EYS: variants seen among roughly 807,000 people sequenced by gnomAD.
EYS encodes protein eyes shut homolog.
In EYS, 250 loss-of-function variants were observed where a neutral mutation model predicts 282.1. The ratio of observed to expected loss-of-function variants is 0.89; its 90% CI spans 0.80 to 0.98. The LOEUF (loss-of-function observed/expected upper bound fraction) is 0.98, where lower values mean the gene tolerates loss of function less well. EYS is among the 50% of genes least tolerant of loss of function. The pLI is 0.00. For synonymous variants in EYS, 1,355 were observed against 1,282.9 expected, an observed-to-expected ratio of 1.06 and a Z score of -1.20; for missense variants, 4,016 against 3,709.0, an observed-to-expected ratio of 1.08 and a Z score of -2.15.
At chr6:63,839,078 TCTC>T (rs369381256) in intron 36 of EYS, among the ~76,000 whole-genome samples, 56 of 152,262 alleles carry the variant, frequency 3.7e-4, no homozygotes, top group Middle Eastern at 6.8e-3. Context: ...AGAGTCAAAA[TCTC>T]CTCTAGCTTT....
chr6:65,253,640 A>T (rs1052284866), intron 12 of EYS, among the ~76,000 whole-genome samples: 1 of 152,028 alleles, frequency 6.6e-6, no homozygotes, highest in South Asian at 2.1e-4. Flanking sequence ...TTTTAATGAA[A>T]TTACTCTAAA....
chr6:65,644,048 T>C (rs1457086013), intron 1 of EYS, among the ~76,000 whole-genome samples: 2 of 151,976 alleles, frequency 1.3e-5, no homozygotes, highest in Non-Finnish European at 2.9e-5. Flanking sequence ...ACCAGCTCAC[T>C]AGCAATGGAT....
At position 65,494,749 on chromosome 6, in the gene EYS, G is replaced by C. The variant is rs779384630; in HGVS notation, c.662C>G (p.Pro221Arg). 3 of 1,613,482 alleles carry C rather than the reference G, an allele frequency of 1.9e-6. No individual in the cohort carries two copies. Among genetic ancestry groups the C allele is most frequent in the Non-Finnish European group, 2.5e-6 (3 of 1,179,790 alleles). ...CQELDACSFK[P>R]CKNNGSCINK... ...AATGCAACTGCCATTATTTTTACAT[G>C]GTTTAAAAGAACATGCATCAAGTTC... Residue 221 changes from proline to arginine, a missense_variant, in exon 4 of 43, where the codon CCA (proline) becomes CGA (arginine). By Grantham distance (103) the Pro-to-Arg change is moderately radical. Transcript: ENST00000503581.
intron 33 of EYS, among the ~76,000 whole-genome samples, chr6:64,023,863 G>A (rs945296152): frequency 3.3e-5 from 5 of 152,198 alleles, no homozygotes; most frequent in East Asian, 1.9e-4. Context: ...AGTGGGCCCC[G>A]CACTCGTAGT....
chr6:64,710,929 A>G (rs1583068208), intron 22 of EYS, among the ~76,000 whole-genome samples: 1 of 152,222 alleles, frequency 6.6e-6, no homozygotes, highest in South Asian at 2.1e-4. Context: ...GATATATGAT[A>G]TAGGTGCTGC....
chr6:64,701,048 GA>G (rs112750523), intron 22 of EYS, among the ~76,000 whole-genome samples: 4,338 of 151,972 alleles, frequency 0.029, 129 homozygotes, highest in East Asian at 0.14. Flanking sequence ...ACAGAATAAA[GA>G]ACCCAGAAAT....
At chr6:64,757,149 G>A (rs1029636090) in intron 22 of EYS, among the ~76,000 whole-genome samples, 3 of 151,950 alleles carry the variant, frequency 2.0e-5, no homozygotes, top group Non-Finnish European at 2.9e-5. Context: ...TTCAACATTC[G>A]GTTTTCTAAG....
intron 23 of EYS, among the ~76,000 whole-genome samples, chr6:64,622,209 T>C (rs1165413946): frequency 6.6e-6 from 1 of 152,144 alleles, no homozygotes; most frequent in Non-Finnish European, 1.5e-5. Flanking sequence ...TTATACCTTG[T>C]TGGCTTGGAG....
intron 30 of EYS, among the ~76,000 whole-genome samples, chr6:64,305,249 G>A (rs373121309): frequency 6.6e-6 from 1 of 152,052 alleles, no homozygotes; most frequent in African/African-American, 2.4e-5. Context: ...ACTAAACATT[G>A]CTGAAAGAAA....
intron 36 of EYS, among the ~76,000 whole-genome samples, chr6:63,862,194 T>C (rs1772552345): frequency 1.3e-5 from 2 of 152,208 alleles, no homozygotes; most frequent in Admixed American, 1.3e-4. Context: ...TCACTACTTG[T>C]TTATTTCCTT....
chr6:65,015,369 C>T (rs962810132), intron 13 of EYS, among the ~76,000 whole-genome samples: 1 of 152,124 alleles, frequency 6.6e-6, no homozygotes, highest in Non-Finnish European at 1.5e-5. Flanking sequence ...ATGAAGTTCA[C>T]TAATTTGAAA....
chr6:64,821,948 G>T (rs762206736), intron 20 of EYS, among the ~76,000 whole-genome samples: 1 of 151,936 alleles, frequency 6.6e-6, no homozygotes, highest in South Asian at 2.1e-4. Flanking sequence ...GCAATGAAAA[G>T]AATGAACAGT....
chr6:64,848,352 T>C (rs563846443), intron 19 of EYS, among the ~76,000 whole-genome samples: 3 of 152,072 alleles, frequency 2.0e-5, no homozygotes, highest in African/African-American at 7.2e-5. Context: ...TTTATATATA[T>C]TTCAATGGTT....
chr6:63,772,503 TAAC>T (rs1454819614), intron 40 of EYS, among the ~76,000 whole-genome samples: 1 of 152,132 alleles, frequency 6.6e-6, no homozygotes, highest in African/African-American at 2.4e-5. Context: ...AGTTTTAAAA[TAAC>T]AATATCAATG....
chr6:64,182,844 C>T (rs1023482217), intron 31 of EYS, among the ~76,000 whole-genome samples: 6 of 152,100 alleles, frequency 3.9e-5, no homozygotes, highest in African/African-American at 7.2e-5. Flanking sequence ...CTGCCTTCCA[C>T]CCTACTCCTG....
intron 12 of EYS, among the ~76,000 whole-genome samples, chr6:65,177,796 A>C (rs17578460): frequency 6.6e-6 from 1 of 151,710 alleles, no homozygotes; most frequent in African/African-American, 2.4e-5. Flanking sequence ...ATTTCCATGA[A>C]GAGTAATTAG....
intron 2 of EYS, among the ~76,000 whole-genome samples, chr6:65,581,440 G>A (rs1764867261): frequency 1.3e-5 from 2 of 151,898 alleles, no homozygotes; most frequent in African/African-American, 4.8e-5. Flanking sequence ...CATCTATAAT[G>A]GCCAGAATTA....
chr6:64,428,543 T>G (rs1582741124), intron 28 of EYS, among the ~76,000 whole-genome samples: 1 of 152,202 alleles, frequency 6.6e-6, no homozygotes, highest in South Asian at 2.1e-4. Flanking sequence ...CAGGTAAAAT[T>G]GAAGGACACG....
intron 12 of EYS, among the ~76,000 whole-genome samples, chr6:65,247,626 A>G (rs1310579978): frequency 1.3e-5 from 2 of 152,080 alleles, no homozygotes; most frequent in Non-Finnish European, 2.9e-5. Flanking sequence ...TTCTCTTTCA[A>G]TGATCTCACT....
Sources: gnomAD v4.1 joint callset for allele counts (sites outside exome capture counted in the v4.1 genomes callset) on GRCh38, gnomAD v4.1.1 for gene constraint, MANE v1.5 for transcripts, NCBI Gene and HGNC (gene_info 2026-07-23, HGNC 2026-07-21) for gene names.